FAAH2: variants seen among roughly 807,000 people sequenced by gnomAD.
FAAH2 encodes the protein fatty acid amide hydrolase 2.
FAAH2 carries 60 observed loss-of-function variants against 36.9 expected under a neutral mutation model. The observed-to-expected ratio is 1.63, with a 90% CI of 1.32 to 2.02. The LOEUF is 2.02. Ranked by LOEUF, FAAH2 falls within the 30% of genes most tolerant of loss-of-function variation. FAAH2 has a pLI of 0.00. For synonymous variants in FAAH2, 214 were observed against 143.8 expected, an observed-to-expected ratio of 1.49 and a Z score of -3.49; for missense variants, 689 against 397.5, an observed-to-expected ratio of 1.73 and a Z score of -6.23.
the FAAH2 span, among the ~76,000 whole-genome samples, chrX:57,231,873 A>G: frequency 9.0e-6 from 1 of 111,655 alleles, no homozygotes; most frequent in Middle Eastern, 4.6e-3. Flanking sequence ...TGTAGGTTAA[A>G]ACAAAACAAG....
At chrX:57,254,684 T>C in the FAAH2 span, among the ~76,000 whole-genome samples, 1 of 111,255 alleles carries the variant, frequency 9.0e-6, no homozygotes, top group African/African-American at 3.3e-5. Context: ...ACTGGGTAAA[T>C]AAAGAAATGA....
intron 7 of FAAH2, among the ~76,000 whole-genome samples, chrX:57,425,574 AT>A (rs2056141190): frequency 8.9e-6 from 1 of 111,807 alleles, no homozygotes; most frequent in South Asian, 3.7e-4. Context: ...AGAGTTCTTC[AT>A]GAAAAAAACA....
intron 10 of FAAH2, 63 bp from the exon 11 acceptor site, chrX:57,488,694 T>C: frequency 3.7e-6 from 4 of 1,077,209 alleles, no homozygotes; most frequent in Non-Finnish European, 5.0e-6. Flanking sequence ...GGTAAAATAA[T>C]TGAAAAAATA....
intron 7 of FAAH2, among the ~76,000 whole-genome samples, chrX:57,392,326 G>C (rs1283912053): frequency 9.0e-6 from 1 of 111,652 alleles, no homozygotes; most frequent in Non-Finnish European, 1.9e-5. Context: ...TTGAATAGGA[G>C]TGGTGAGAGT....
At chrX:57,367,792 G>A (rs1035841442) in intron 5 of FAAH2, among the ~76,000 whole-genome samples, 1 of 112,146 alleles carries the variant, frequency 8.9e-6, no homozygotes, top group African/African-American at 3.2e-5. Context: ...GATGTCTGCA[G>A]TCCTTCCTGC....
chrX:57,257,992 A>G, the FAAH2 span, among the ~76,000 whole-genome samples: 1 of 111,958 alleles, frequency 8.9e-6, no homozygotes, highest in Non-Finnish European at 1.9e-5. Flanking sequence ...ATCTGTCTCA[A>G]TTTTGAACAA....
the FAAH2 span, among the ~76,000 whole-genome samples, chrX:57,201,875 T>A: frequency 8.9e-6 from 1 of 111,857 alleles, no homozygotes; most frequent in Non-Finnish European, 1.9e-5. Context: ...ATAGCCTGTC[T>A]TCTAGCTTAG....
At chrX:57,232,764 T>C in the FAAH2 span, among the ~76,000 whole-genome samples, 2 of 112,296 alleles carry the variant, frequency 1.8e-5, no homozygotes, top group African/African-American at 3.2e-5. Context: ...AAAAATTCAT[T>C]GGCATGCATG....
the FAAH2 span, among the ~76,000 whole-genome samples, chrX:57,160,936 T>C: frequency 8.9e-6 from 1 of 112,206 alleles, no homozygotes; most frequent in Non-Finnish European, 1.9e-5. Context: ...TCTGTAGTTC[T>C]TTTAATTGTG....
At chrX:57,161,138 AGGT>A in the FAAH2 span, among the ~76,000 whole-genome samples, 1 of 112,083 alleles carries the variant, frequency 8.9e-6, no homozygotes, top group Non-Finnish European at 1.9e-5. Flanking sequence ...ATTTAGGAGC[AGGT>A]TGTCCGGTTT....
the FAAH2 span, among the ~76,000 whole-genome samples, chrX:57,208,401 G>A: frequency 4.5e-5 from 5 of 112,048 alleles, no homozygotes; most frequent in African/African-American, 6.5e-5. Flanking sequence ...CATTGTTACC[G>A]TGTTGCTTCT....
rs780673154 is a variant in FAAH2 at position 57,420,426 on chromosome X, A to G, written c.997-11492A>G. On this transcript the variant is annotated intron_variant, in intron 7 of 10. Transcript: ENST00000374900. ...AGTGGTTCGTAGTTCTCCTTGAAAA[A>G]GTCCTTCACATCCCTTGTAAGTTGG... 4.1e-3 allele frequency among the ~76,000 whole-genome samples: 462 copies of G among 111,478 alleles called. 3 individuals are homozygous for G. The highest frequency in any genetic ancestry group is 0.014 in the African/African-American group (443 of 30,679).
chrX:57,310,477 G>A, intron 2 of FAAH2, 116 bp from the exon 3 acceptor site: 1 of 835,091 alleles, frequency 1.2e-6, no homozygotes, highest in Non-Finnish European at 1.6e-6. Flanking sequence ...CTCTTGACAA[G>A]TACATTAACT....
At chrX:57,463,756 G>T (rs1031023371) in intron 10 of FAAH2, among the ~76,000 whole-genome samples, 4 of 111,917 alleles carry the variant, frequency 3.6e-5, no homozygotes, top group African/African-American at 9.7e-5. Flanking sequence ...GGAAACAACA[G>T]TTGCTGGTCA....
At chrX:57,430,636 A>G (rs2056273216) in intron 7 of FAAH2, among the ~76,000 whole-genome samples, 1 of 112,390 alleles carries the variant, frequency 8.9e-6, no homozygotes, top group Non-Finnish European at 1.9e-5. Context: ...TAACAATGTC[A>G]TAGGTCTGCA....
At chrX:57,282,053 C>A (rs975495562), upstream of FAAH2, among the ~76,000 whole-genome samples, 33 of 111,527 alleles carry the variant, frequency 3.0e-4, no homozygotes, top group African/African-American at 1.1e-3. Flanking sequence ...TTTTTGTGGT[C>A]GAACAATTTA....
the FAAH2 span, among the ~76,000 whole-genome samples, chrX:57,218,078 CA>C: frequency 8.9e-6 from 1 of 111,983 alleles, no homozygotes; most frequent in Admixed American, 9.5e-5. Flanking sequence ...ATTATTTTAT[CA>C]GTTCTAGGAG....
At chrX:57,181,227 A>T in the FAAH2 span, among the ~76,000 whole-genome samples, 1 of 110,482 alleles carries the variant, frequency 9.1e-6, no homozygotes, top group African/African-American at 3.3e-5. Context: ...ATATATTGGA[A>T]GTCCTGGCCA....
chrX:57,409,011 G>A (rs916098666), intron 7 of FAAH2, among the ~76,000 whole-genome samples: 1 of 110,939 alleles, frequency 9.0e-6, no homozygotes. Context: ...TACAAACTTT[G>A]GTTATATAGT....
Sources: gnomAD v4.1 joint callset for allele counts (sites outside exome capture counted in the v4.1 genomes callset) on GRCh38, gnomAD v4.1.1 for gene constraint, MANE v1.5 for transcripts, NCBI Gene and HGNC (gene_info 2026-07-23, HGNC 2026-07-21) for gene names.